The following RIMS3 variants were observed in gnomAD, a reference collection of about 807,000 sequenced individuals.
RIMS3 encodes the protein regulating synaptic membrane exocytosis 3.
A neutral mutation model predicts 29.2 loss-of-function variants in RIMS3; 15 were observed. The ratio of observed to expected loss-of-function variants is 0.51; its 90% CI spans 0.34 to 0.79. The LOEUF is 0.79. RIMS3 is among the 30% of genes least tolerant of loss of function. The pLI is 0.01. For missense variants in RIMS3, 342 were observed against 421.4 expected, an observed-to-expected ratio of 0.81 and a Z score of 1.65; for synonymous variants, 161 against 170.1, an observed-to-expected ratio of 0.95 and a Z score of 0.41.
chr1:40,687,518 C>T, the RIMS3 span: 8 of 149,748 alleles, frequency 5.3e-5, no homozygotes, highest in Non-Finnish European at 8.9e-5. Flanking sequence ...AGGAGAATCG[C>T]TTGAACCCGA....
intron 2 of RIMS3, among the ~76,000 whole-genome samples, chr1:40,643,497 G>C (rs1477084051): frequency 8.5e-6 from 1 of 116,964 alleles, no homozygotes; most frequent in Non-Finnish European, 1.7e-5. Flanking sequence ...TTTTTTTTGA[G>C]ATGGAGTCTT....
rs767896106 is a variant in RIMS3 at position 40,633,185 on chromosome 1, C to T, written c.360-4G>A. The T allele has an allele frequency of 6.2e-7, 1 of 1,612,218 alleles. No individual in the cohort carries two copies. The highest frequency in any genetic ancestry group is 1.3e-5 in the African/African-American group (1 of 74,898). ...CCGGGTAGTGGGGAAGATGAACCTG[C>T]AGGAGGAGGCAGAGGGACGCGTGAG... On this transcript the variant is annotated splice_polypyrimidine_tract_variant and splice_region_variant and intron_variant, in intron 4 of 7. Transcript: ENST00000372684.
chr1:40,631,677 C>CTACA, intron 5 of RIMS3, among the ~76,000 whole-genome samples: 1 of 151,384 alleles, frequency 6.6e-6, no homozygotes. Context: ...GGCTCTGTCT[C>CTACA]TAAATAAATA....
At chr1:40,679,761 G>C in the RIMS3 span, among the ~76,000 whole-genome samples, 1 of 152,112 alleles carries the variant, frequency 6.6e-6, no homozygotes, top group Admixed American at 6.6e-5. Context: ...GGGAAGGCGG[G>C]CACATGGACT....
At chr1:40,690,352 G>T in the RIMS3 span, 1 of 125,466 alleles carries the variant, frequency 8.0e-6, no homozygotes, top group African/African-American at 3.3e-5. Flanking sequence ...GTCTGAAAAT[G>T]TCATTATAAG....
In RIMS3 at chr1:40,635,936, G is replaced by T; in HGVS notation, c.339C>A (p.Asn113Lys). Reference sequence around the variant, plus strand: ...CGCACGTGCCGTCGGAGCTGTTGCTGTTGGTGCTCCCATCGGTGGACTCCC... The same window carrying T: ...CGCACGTGCCGTCGGAGCTGTTGCTTTTGGTGCTCCCATCGGTGGACTCCC... ...GSRESTDGST[N>K]SNSSDGTFIF... Residue 113 changes from asparagine (N) to lysine (K), a missense_variant, in exon 4 of 8, where the codon AAC becomes AAA. By Grantham distance (94) the Asn-to-Lys change is moderately conservative. Coordinates refer to ENST00000372684, the MANE Select transcript of RIMS3 (RefSeq NM_014747.3). The surrounding 1 kb of genome is among the most constrained non-coding windows in gnomAD (Gnocchi z 4.1). The T allele has an allele frequency of 6.2e-7, 1 of 1,613,048 alleles. No homozygotes were observed.
In RIMS3 at chr1:40,624,470, A is replaced by G. The variant is rs2148341112; in HGVS notation, c.*2047T>C. 6.6e-6 allele frequency: 1 copy of G among 152,354 alleles called. No homozygotes were observed. Among genetic ancestry groups the G allele is most frequent in the African/African-American group, 2.4e-5 (1 of 41,574 alleles). 9.4% of individuals were successfully genotyped at this position (152,354 alleles called of 1,614,324 possible). On this transcript the variant is annotated 3_prime_UTR_variant, in exon 8 of 8. Coordinates refer to ENST00000372684, the MANE Select transcript of RIMS3 (RefSeq NM_014747.3). ...CTTGACGAACGCAATGGGCCTGGGG[A>G]GAGCATTTCCGCCTAAAGAGAAAAT...
intron 3 of RIMS3, among the ~76,000 whole-genome samples, chr1:40,640,322 G>T (rs1000435469): frequency 4.0e-5 from 6 of 151,786 alleles, no homozygotes; most frequent in Non-Finnish European, 7.4e-5. Context: ...CCCACTCTAG[G>T]GCTCTGATAA....
chr1:40,687,633 ACCTGTTT>A, the RIMS3 span: 3 of 151,628 alleles, frequency 2.0e-5, no homozygotes, highest in East Asian at 5.8e-4. Flanking sequence ...AAATGGTTAA[ACCTGTTT>A]AAAAGCAAAA....
intron 5 of RIMS3, among the ~76,000 whole-genome samples, chr1:40,632,773 G>C (rs1026110898): frequency 1.7e-4 from 26 of 151,982 alleles, no homozygotes; most frequent in African/African-American, 6.0e-4. Context: ...GGCGCTGTTG[G>C]GTGTAACAAG....
chr1:40,626,940 T>G (rs1369558644), intron 7 of RIMS3, among the ~76,000 whole-genome samples: 1 of 152,238 alleles, frequency 6.6e-6, no homozygotes, highest in Non-Finnish European at 1.5e-5. Context: ...TCAATTGTTA[T>G]AACAAGCCAT....
At position 40,635,844 on chromosome 1, in the gene RIMS3, A is replaced by C. The variant is rs1233230203; in HGVS notation, c.359+72T>G. 6.3e-7 allele frequency: 1 copy of C among 1,579,152 alleles called. No individual in the cohort carries two copies. The highest frequency in any genetic ancestry group is 2.3e-5 in the East Asian group (1 of 44,428). On this transcript the variant is annotated intron_variant, in intron 4 of 7. Transcript: ENST00000372684. The surrounding 1 kb of genome is among the most constrained non-coding windows in gnomAD (Gnocchi z 4.1). ...GGAAACAAAACAGGGAGGCTTTCCCACCCTGCCCAGTGGCTCTGTGACTGG... is the reference window on the plus strand; with the variant it reads ...GGAAACAAAACAGGGAGGCTTTCCCCCCCTGCCCAGTGGCTCTGTGACTGG...
chr1:40,626,546 CCAGGGAAGACTGGGA>C lies in RIMS3; in HGVS notation c.883_897del (p.Ser295_Leu299del). On this transcript the variant is annotated inframe_deletion, in exon 8 of 8. Transcript: ENST00000372684. ...GAGCATGAGGGGCTGGTGGCACTCT[CCAGGGAAGACTGGGA>C]CAGGCGCCTGGTGAGGGATCCGAGT... 1 of 1,611,928 alleles carries C rather than the reference CCAGGGAAGACTGGGA, an allele frequency of 6.2e-7. No homozygotes were observed. The highest frequency in any genetic ancestry group is 1.1e-5 in the South Asian group (1 of 90,738).
At chr1:40,670,989 A>G in the RIMS3 span, among the ~76,000 whole-genome samples, 1 of 152,144 alleles carries the variant, frequency 6.6e-6, no homozygotes, top group Non-Finnish European at 1.5e-5. Flanking sequence ...TGCAATGAGG[A>G]GCATGGATTA....
intron 2 of RIMS3, among the ~76,000 whole-genome samples, chr1:40,642,799 T>C (rs1215274809): frequency 1.0e-5 from 1 of 100,214 alleles, no homozygotes; most frequent in Non-Finnish European, 2.3e-5. Flanking sequence ...CTACTAAAAA[T>C]ACAAAAATTA....
rs1480353434 is a variant in RIMS3, at chr1:40,629,335, C to G, written c.510G>C (p.Gln170His). ...GAGCTTCAATCACTTCCACCTCCAG[C>G]TGGCCACTCCGGTCCATGATGGCAA... ...VHIAIMDRSGQLEVEVIEARG... is the reference protein window; with the variant it reads ...VHIAIMDRSGHLEVEVIEARG... The change falls in exon 6 of 8, where the codon CAG becomes CAC. Residue 170 changes from glutamine to histidine, a missense_variant. Coordinates refer to ENST00000372684, the MANE Select transcript of RIMS3 (RefSeq NM_014747.3). 6.2e-7 allele frequency: 1 copy of G among 1,614,194 alleles called. No homozygotes were observed. The highest frequency in any genetic ancestry group is 8.5e-7 in the Non-Finnish European group (1 of 1,180,038).
the RIMS3 span, among the ~76,000 whole-genome samples, chr1:40,680,214 G>A: frequency 5.9e-5 from 9 of 151,776 alleles, no homozygotes; most frequent in Admixed American, 1.3e-4. Flanking sequence ...AAAACCATGC[G>A]AGACCAATTT....
the RIMS3 span, among the ~76,000 whole-genome samples, chr1:40,677,575 G>A: frequency 2.0e-5 from 3 of 151,948 alleles, no homozygotes; most frequent in Non-Finnish European, 2.9e-5. Flanking sequence ...GCGGGCGCCC[G>A]TAGTCCCAGC....
At chr1:40,687,533 C>A in the RIMS3 span, 2 of 144,388 alleles carry the variant, frequency 1.4e-5, no homozygotes, top group East Asian at 2.1e-4. Context: ...ACCCGAGAGG[C>A]GGAGGTCGCA....
Sources: gnomAD v4.1 joint callset for allele counts (sites outside exome capture counted in the v4.1 genomes callset) on GRCh38, gnomAD v4.1.1 for gene constraint, Gnocchi (gnomAD v3.1) non-coding constraint, MANE v1.5 for transcripts, NCBI Gene and HGNC (gene_info 2026-07-23, HGNC 2026-07-21) for gene names.